DOCK5: variants seen among roughly 807,000 people sequenced by gnomAD.
The protein encoded by DOCK5 is dedicator of cytokinesis 5, also known as dedicator of cytokinesis protein 5.
DOCK5 carries 142 observed loss-of-function variants against 251.8 expected under a neutral mutation model. The ratio of observed to expected loss-of-function variants is 0.56; its 90% CI spans 0.49 to 0.65. The LOEUF (loss-of-function observed/expected upper bound fraction) is 0.65. Among genes scored for constraint, DOCK5 ranks in the 30% least tolerant of loss-of-function variants. The pLI, the probability that DOCK5 is intolerant of heterozygous loss-of-function variation, is 0.00. For synonymous variants in DOCK5, 842 were observed against 835.5 expected, an observed-to-expected ratio of 1.01 and a Z score of -0.13; for missense variants, 2,111 against 2,312.3, an observed-to-expected ratio of 0.91 and a Z score of 1.79.
At chr8:25,319,258 C>A (rs1805355769) in intron 14 of DOCK5, among the ~76,000 whole-genome samples, 1 of 152,178 alleles carries the variant, frequency 6.6e-6, no homozygotes, top group African/African-American at 2.4e-5. Context: ...TCGTCATGTT[C>A]CCTGAGAGAG....
rs376780445 is a variant in DOCK5 at position 25,388,446 on chromosome 8, GA to G, written c.4132-636del. Among the ~76,000 whole-genome samples the G allele has an allele frequency of 5.4e-3, 812 of 150,628 alleles. 6 individuals are homozygous for G. The highest frequency in any genetic ancestry group is 0.031 in the South Asian group (145 of 4,750). On this transcript the variant is annotated intron_variant, in intron 40 of 51. Coordinates refer to ENST00000276440, the MANE Select transcript of DOCK5 (RefSeq NM_024940.8). ...CTGGGGCCTAGGAAATCTCTTTGGG[GA>G]AAAAAAAATGATTAAAGAGATTATA... is the stretch of plus-strand genomic sequence containing the variant.
intron 2 of DOCK5, among the ~76,000 whole-genome samples, chr8:25,260,741 G>A (rs998254172): frequency 2.0e-5 from 3 of 151,896 alleles, no homozygotes; most frequent in African/African-American, 7.3e-5. Context: ...CATTAGTAAT[G>A]TAAATCCTCA....
intron 1 of DOCK5, among the ~76,000 whole-genome samples, chr8:25,217,677 C>T (rs537848182): frequency 2.0e-5 from 3 of 152,246 alleles, no homozygotes; most frequent in African/African-American, 7.2e-5. Context: ...ATTGCCCAGA[C>T]CAGCACCTGC....
intron 2 of DOCK5, among the ~76,000 whole-genome samples, chr8:25,246,758 CG>C (rs951022551): frequency 1.6e-5 from 1 of 64,390 alleles, no homozygotes; most frequent in African/African-American, 7.1e-5. Context: ...GTGTGTGTGG[CG>C]GGGGCGGGGT....
At chr8:25,318,356 TG>T (rs1563200282) in intron 14 of DOCK5, among the ~76,000 whole-genome samples, 1 of 152,158 alleles carries the variant, frequency 6.6e-6, no homozygotes, top group East Asian at 1.9e-4. Context: ...CCCAAAGTGC[TG>T]GGATTACAGG....
chr8:25,230,883 C>T (rs1802650356), intron 1 of DOCK5, among the ~76,000 whole-genome samples: 2 of 151,886 alleles, frequency 1.3e-5, no homozygotes. Flanking sequence ...AAATTTACAC[C>T]ATTTGCGAAG....
chr8:25,389,109 C>G lies in DOCK5; in HGVS notation c.4150C>G (p.Arg1384Gly). Residue 1384 changes from arginine to glycine, a missense_variant, in exon 41 of 52, where the codon CGG (arginine) becomes GGG (glycine). Transcript: ENST00000276440. ...SFLRNKIFIYRGKEYERREDF... is the reference protein window; with the variant it reads ...SFLRNKIFIYGGKEYERREDF... The stretch of plus-strand genomic sequence containing the variant: ...CCTGCAGAATAAAATCTTCATCTAT[C>G]GGGGAAAGGAGTATGAGAGGCGAGA... 1 of 1,613,834 alleles carries G rather than the reference C, an allele frequency of 6.2e-7. No individual in the cohort carries two copies. Among genetic ancestry groups the G allele is most frequent in the Non-Finnish European group, 8.5e-7 (1 of 1,179,822 alleles).
chr8:25,344,598 C>T (rs1370106491), intron 25 of DOCK5, among the ~76,000 whole-genome samples: 1 of 152,158 alleles, frequency 6.6e-6, no homozygotes, highest in Non-Finnish European at 1.5e-5. Flanking sequence ...TCAGTAGCCT[C>T]CTTGGGCTCT....
chr8:25,253,617 T>C (rs562409055), intron 2 of DOCK5, among the ~76,000 whole-genome samples: 1 of 152,272 alleles, frequency 6.6e-6, no homozygotes, highest in African/African-American at 2.4e-5. Flanking sequence ...TTAAAATTGA[T>C]TGAGGGCAAA....
At chr8:25,408,685 G>C in intron 49 of DOCK5, 117 bp from the exon 50 acceptor site, 1 of 1,223,080 alleles carries the variant, frequency 8.2e-7, no homozygotes, top group Non-Finnish European at 1.2e-6. Context: ...CTTAAAAATC[G>C]CTCCTTCAGT....
At chr8:25,270,737 C>T in intron 3 of DOCK5, 1 of 693,444 alleles carries the variant, frequency 1.4e-6, no homozygotes. Flanking sequence ...GCAGACCTTG[C>T]TTTCTAAAGT....
chr8:25,227,810 C>G (rs1192641375), intron 1 of DOCK5, among the ~76,000 whole-genome samples: 1 of 152,184 alleles, frequency 6.6e-6, no homozygotes, highest in Non-Finnish European at 1.5e-5. Flanking sequence ...ATAATACTTT[C>G]TCTAGTTTTC....
intron 1 of DOCK5, among the ~76,000 whole-genome samples, chr8:25,225,072 C>T (rs977437430): frequency 2.0e-5 from 3 of 152,090 alleles, no homozygotes; most frequent in Non-Finnish European, 2.9e-5. Flanking sequence ...TGGCTGTTAT[C>T]AAAAACAAAA....
chr8:25,408,038 G>T lies in DOCK5; in HGVS notation c.5149G>T (p.Asp1717Tyr). ...RRASSGARVEDLSLREENSEN... is the reference protein window; with the variant it reads ...RRASSGARVEYLSLREENSEN... ...GGCCTCGTCAGGTGCCAGAGTTGAA[G>T]ATCTGTCCCTTAGAGAGGAGAACAG... The change falls in exon 49 of 52, where the codon GAT (aspartate) becomes TAT (tyrosine). Residue 1717 changes from aspartate (D) to tyrosine (Y), a missense_variant. Coordinates refer to ENST00000276440, the MANE Select transcript of DOCK5 (RefSeq NM_024940.8). The T allele has an allele frequency of 6.2e-7, 1 of 1,612,128 alleles. No homozygotes were observed. The highest frequency in any genetic ancestry group is 2.2e-5 in the East Asian group (1 of 44,862).
intron 37 of DOCK5, 97 bp downstream of exon 37, chr8:25,374,751 A>C: frequency 6.2e-7 from 1 of 1,607,738 alleles, no homozygotes; most frequent in African/African-American, 1.3e-5. Context: ...AAAGAACTTT[A>C]TTCCAGGAAT....
chr8:25,315,098 C>T (rs1805206281), intron 13 of DOCK5, among the ~76,000 whole-genome samples: 1 of 148,254 alleles, frequency 6.7e-6, no homozygotes, highest in Admixed American at 7.0e-5. Flanking sequence ...TCGCTGAAAA[C>T]ATCTTACTGA....
intron 1 of DOCK5, among the ~76,000 whole-genome samples, chr8:25,242,961 C>T (rs1187845676): frequency 6.6e-6 from 1 of 152,222 alleles, no homozygotes; most frequent in Non-Finnish European, 1.5e-5. Flanking sequence ...CGTGTTCTTG[C>T]AGGCTGGCTG....
rs773505640 is a variant in DOCK5, at chr8:25,410,105, C to T, written c.5411C>T (p.Pro1804Leu). The T allele has an allele frequency of 1.9e-5, 30 of 1,612,902 alleles. No homozygotes were observed. The highest frequency in any genetic ancestry group is 2.4e-5 in the Non-Finnish European group (28 of 1,179,522). ...CACTTTCTGTCATTTCTAGGCTCCC[C>T]ATCGTTGCAGACAGATGGAATCGCG... is the stretch of plus-strand genomic sequence containing the variant. Reference protein sequence around the residue: ...TPKATRTLSSPSLQTDGIAAT... With the variant: ...TPKATRTLSSLSLQTDGIAAT... Residue 1804 changes from proline to leucine, a missense_variant, in exon 51 of 52, where the codon CCA (proline) becomes CTA (leucine). This residue lies in a region of DOCK5 where 1,717 missense variants were observed against 1,892.4 expected (regional missense o/e 0.91). Coordinates refer to ENST00000276440, the MANE Select transcript of DOCK5 (RefSeq NM_024940.8).
intron 1 of DOCK5, among the ~76,000 whole-genome samples, chr8:25,239,908 G>C (rs915502015): frequency 2.0e-5 from 3 of 152,138 alleles, no homozygotes; most frequent in Non-Finnish European, 2.9e-5. Flanking sequence ...CTTTATCAAG[G>C]AGAGGCCACT....
Sources: gnomAD v4.1 joint callset for allele counts (sites outside exome capture counted in the v4.1 genomes callset) on GRCh38, gnomAD v4.1.1 for gene constraint, gnomAD v4.1.1 regional missense constraint, MANE v1.5 for transcripts, NCBI Gene and HGNC (gene_info 2026-07-23, HGNC 2026-07-21) for gene names.